SGCZ: variants seen among roughly 807,000 people sequenced by gnomAD.
The protein encoded by SGCZ is sarcoglycan zeta.
A neutral mutation model predicts 41.3 loss-of-function variants in SGCZ; 40 were observed. The ratio of observed to expected loss-of-function variants is 0.97; its 90% CI spans 0.75 to 1.26. The LOEUF (loss-of-function observed/expected upper bound fraction) is 1.26. Ranked by LOEUF, SGCZ falls within the 50% of genes most tolerant of loss-of-function variation. The pLI is 0.00. For missense variants in SGCZ, 552 were observed against 369.8 expected (o/e 1.49, Z -4.04); for synonymous variants, 206 against 137.5 (o/e 1.50, Z -3.49).
intron 1 of SGCZ, among the ~76,000 whole-genome samples, chr8:14,758,880 T>A (rs995309648): frequency 6.6e-6 from 1 of 151,844 alleles, no homozygotes; most frequent in African/African-American, 2.4e-5. Flanking sequence ...TAGCATTATG[T>A]GCCTGTCATC....
At chr8:14,986,605 C>T (rs1801831953) in intron 1 of SGCZ, among the ~76,000 whole-genome samples, 1 of 151,874 alleles carries the variant, frequency 6.6e-6, no homozygotes, top group Non-Finnish European at 1.5e-5. Context: ...TATATATATG[C>T]CAATTACACA....
chr8:14,886,009 AT>A (rs1804784596), intron 1 of SGCZ, among the ~76,000 whole-genome samples: 2 of 119,412 alleles, frequency 1.7e-5, no homozygotes, highest in African/African-American at 3.1e-5. Flanking sequence ...ATATATATAT[AT>A]ATATATATAT....
intron 2 of SGCZ, among the ~76,000 whole-genome samples, chr8:14,378,050 T>C (rs558067529): frequency 2.7e-5 from 4 of 149,828 alleles, no homozygotes; most frequent in African/African-American, 1.0e-4. Flanking sequence ...TACCCAGTAA[T>C]GGGATGGCTG....
intron 2 of SGCZ, among the ~76,000 whole-genome samples, chr8:14,543,530 A>G (rs932383126): frequency 2.0e-5 from 3 of 152,110 alleles, no homozygotes; most frequent in Non-Finnish European, 4.4e-5. Context: ...CACAAAAAGT[A>G]TTGTGTAAAG....
chr8:14,444,104 A>C (rs1277131334), intron 2 of SGCZ, among the ~76,000 whole-genome samples: 1 of 152,178 alleles, frequency 6.6e-6, no homozygotes, highest in Non-Finnish European at 1.5e-5. Flanking sequence ...AATCAAAACC[A>C]CAATGAGATA....
chr8:14,670,242 T>C lies in SGCZ; in HGVS notation c.40-115316A>G, dbSNP rs191260494. Among the ~76,000 whole-genome samples, 247 of 152,272 alleles carry C rather than the reference T, an allele frequency of 1.6e-3. 1 individual carries two copies. In the South Asian group the frequency reaches 0.018, roughly 11 times the overall value. On this transcript the variant is annotated intron_variant, in intron 1 of 7. Coordinates refer to ENST00000382080, the MANE Select transcript of SGCZ (RefSeq NM_139167.4). ...GCTGATGATATGAAGTTTTATATTGTAGCGATAGTGGATCCACTATGGTTG... is the reference window on the plus strand; with the variant it reads ...GCTGATGATATGAAGTTTTATATTGCAGCGATAGTGGATCCACTATGGTTG...
chr8:14,239,235 T>A (rs967380512), intron 3 of SGCZ, among the ~76,000 whole-genome samples: 1 of 114,238 alleles, frequency 8.8e-6, no homozygotes, highest in Non-Finnish European at 1.7e-5. Flanking sequence ...ATAAAGATGA[T>A]GGTTCATACA....
intron 1 of SGCZ, among the ~76,000 whole-genome samples, chr8:14,799,632 C>G (rs1386165830): frequency 6.6e-6 from 1 of 152,048 alleles, no homozygotes; most frequent in African/African-American, 2.4e-5. Flanking sequence ...TGCAAGTCCA[C>G]AGGACTTCAC....
chr8:14,816,317 T>A (rs1391247017), intron 1 of SGCZ, among the ~76,000 whole-genome samples: 1 of 152,202 alleles, frequency 6.6e-6, no homozygotes, highest in African/African-American at 2.4e-5. Flanking sequence ...GGAGGAAACA[T>A]TACCAGCCCA....
intron 1 of SGCZ, among the ~76,000 whole-genome samples, chr8:14,780,044 T>C (rs1800536775): frequency 6.6e-6 from 1 of 152,084 alleles, no homozygotes; most frequent in South Asian, 2.1e-4. Flanking sequence ...AGATGTACCC[T>C]GTTGGAGGCT....
chr8:15,058,302 G>C (rs991826495), intron 1 of SGCZ, among the ~76,000 whole-genome samples: 1 of 152,058 alleles, frequency 6.6e-6, no homozygotes, highest in African/African-American at 2.4e-5. Flanking sequence ...TGAAAGAGAA[G>C]GTCCAATTTG....
chr8:14,539,742 T>C (rs1803402798), intron 2 of SGCZ, among the ~76,000 whole-genome samples: 1 of 123,056 alleles, frequency 8.1e-6, no homozygotes, highest in African/African-American at 3.5e-5. Context: ...TTCCCCTCTA[T>C]GTGTCCATGT....
chr8:14,214,316 G>A (rs1805917442), intron 4 of SGCZ, among the ~76,000 whole-genome samples: 2 of 152,054 alleles, frequency 1.3e-5, no homozygotes, highest in African/African-American at 4.8e-5. Flanking sequence ...ATAACCAAGA[G>A]GAACAGTAGA....
intron 2 of SGCZ, among the ~76,000 whole-genome samples, chr8:14,370,971 T>C (rs1803888215): frequency 6.6e-6 from 1 of 152,090 alleles, no homozygotes; most frequent in African/African-American, 2.4e-5. Flanking sequence ...CACGAATATA[T>C]CATTCTATGG....
Position 14,642,864 on chromosome 8 carries a change from G to T in SGCZ, c.40-87938C>A, listed in dbSNP as rs183880755. 6.3e-3 allele frequency among the ~76,000 whole-genome samples: 949 copies of T among 151,450 alleles called. 8 individuals carry two copies. Among genetic ancestry groups the T allele is most frequent in the African/African-American group, 0.022 (907 of 41,390 alleles). On this transcript the variant is annotated intron_variant, in intron 1 of 7. Transcript: ENST00000382080. ...TTTAAAAAAGTATTGGAAAGCATAG[G>T]GCAATATGTTGCTTGAACTTTATAA...
At chr8:14,797,176 G>A (rs531937980) in intron 1 of SGCZ, among the ~76,000 whole-genome samples, 4 of 152,056 alleles carry the variant, frequency 2.6e-5, no homozygotes, top group Non-Finnish European at 4.4e-5. Flanking sequence ...CAGTTTGGAG[G>A]GCTCAGAAGA....
chr8:15,025,970 A>G (rs1484127434), intron 1 of SGCZ, among the ~76,000 whole-genome samples: 1 of 152,192 alleles, frequency 6.6e-6, no homozygotes, highest in Non-Finnish European at 1.5e-5. Context: ...TATTACATAT[A>G]TCATAGAGTC....
chr8:14,918,195 G>A lies in SGCZ; in HGVS notation c.39+319390C>T, dbSNP rs944485121. ...CATTTTCTTTAGTCATCCCTATAAC[G>A]GAGAATTAAGGCAATGAGACCGGCT... On this transcript the variant is annotated intron_variant, in intron 1 of 7. Coordinates refer to ENST00000382080, the MANE Select transcript of SGCZ (RefSeq NM_139167.4). 3.3e-5 allele frequency among the ~76,000 whole-genome samples: 5 copies of A among 152,102 alleles called. No homozygotes were observed. In the East Asian group the frequency reaches 5.8e-4, roughly 18 times the overall value.
chr8:14,804,298 T>G, intron 1 of SGCZ, among the ~76,000 whole-genome samples: 1 of 95,514 alleles, frequency 1.0e-5, no homozygotes, highest in Non-Finnish European at 2.1e-5. Context: ...GGGAGGACAT[T>G]CAAACCAAAG....
Sources: gnomAD v4.1 joint callset for allele counts (sites outside exome capture counted in the v4.1 genomes callset) on GRCh38, gnomAD v4.1.1 for gene constraint, MANE v1.5 for transcripts, NCBI Gene and HGNC (gene_info 2026-07-23, HGNC 2026-07-21) for gene names.